Variants in IQSEC1 observed in about 807,000 individuals in gnomAD.
IQSEC1 encodes IQ motif and SEC7 domain-containing protein 1.
Under a neutral mutation model 91.0 loss-of-function variants are expected in IQSEC1, and 31 were observed. The ratio of observed to expected loss-of-function variants is 0.34; its 90% CI spans 0.26 to 0.46. IQSEC1 has a LOEUF of 0.46. Ranked by LOEUF, IQSEC1 falls within the 20% of genes least tolerant of loss-of-function variation. The pLI is 1.00. For synonymous variants in IQSEC1, 699 were observed against 662.6 expected (o/e 1.05, Z -0.84); for missense variants, 1,388 against 1,575.6 (o/e 0.88, Z 2.02).
At chr3:12,906,310 G>A (rs185202467) in intron 12 of IQSEC1, among the ~76,000 whole-genome samples, 146 of 152,310 alleles carry the variant, frequency 9.6e-4, no homozygotes, top group African/African-American at 3.5e-3. Context: ...TGAGTGAGGT[G>A]GGGCCATGCT....
intron 2 of IQSEC1, among the ~76,000 whole-genome samples, chr3:13,161,284 A>C (rs1340038391): frequency 2.6e-5 from 4 of 152,040 alleles, no homozygotes; most frequent in Admixed American, 6.5e-5. Context: ...GTGTCAGCCC[A>C]GGGGGAGTGC....
At chr3:13,272,628 C>T (rs571856802) in intron 1 of IQSEC1, among the ~76,000 whole-genome samples, 30 of 152,196 alleles carry the variant, frequency 2.0e-4, no homozygotes, top group African/African-American at 6.3e-4. Context: ...TTTTAGGTGG[C>T]GGATTTTTAC....
At chr3:13,077,699 G>C (rs562179632), upstream of IQSEC1, among the ~76,000 whole-genome samples, 1 of 152,192 alleles carries the variant, frequency 6.6e-6, no homozygotes, top group Non-Finnish European at 1.5e-5. Context: ...GGTGGCTGAC[G>C]GAGGGAGGAA....
Position 13,211,176 on chromosome 3 carries a change from G to A in IQSEC1, c.273-47043C>T, listed in dbSNP as rs1037689733. Among the ~76,000 whole-genome samples, 1 of 152,216 alleles carries A rather than the reference G, an allele frequency of 6.6e-6. No individual in the cohort carries two copies. The highest frequency in any genetic ancestry group is 6.5e-5 in the Admixed American group (1 of 15,288). ...CGCAGTCTGTGTGGACAAGACACAG[G>A]GCAGGAGAACAGTGTAAGCACAGCC... On this transcript the variant is annotated intron_variant, in intron 1 of 15. Transcript: ENST00000648114. This position sits in a 1 kb window ranked among gnomAD's most constrained non-coding sequence, Gnocchi z 5.3.
chr3:12,917,583 C>T (rs1338277648), intron 6 of IQSEC1, among the ~76,000 whole-genome samples: 3 of 152,232 alleles, frequency 2.0e-5, no homozygotes, highest in Non-Finnish European at 4.4e-5. Flanking sequence ...GCTCACTTCT[C>T]TTTCGTGCTG....
intron 3 of IQSEC1, among the ~76,000 whole-genome samples, chr3:12,928,134 C>T (rs1358877594): frequency 1.3e-5 from 2 of 151,778 alleles, no homozygotes; most frequent in Non-Finnish European, 2.9e-5. Flanking sequence ...CTCCTGTGGG[C>T]ACCTGGCCAT....
intron 1 of IQSEC1, among the ~76,000 whole-genome samples, chr3:13,168,208 T>G (rs754027034): frequency 6.6e-6 from 1 of 152,244 alleles, no homozygotes; most frequent in Non-Finnish European, 1.5e-5. Flanking sequence ...AACTAAGTGC[T>G]GTGACTGATC....
At chr3:13,127,733 G>A (rs759333140) in intron 2 of IQSEC1, among the ~76,000 whole-genome samples, 2 of 152,156 alleles carry the variant, frequency 1.3e-5, no homozygotes, top group African/African-American at 2.4e-5. Context: ...TCAACTCGGG[G>A]AGAAATGACA....
intron 3 of IQSEC1, among the ~76,000 whole-genome samples, chr3:12,932,512 C>T (rs1575953844): frequency 6.6e-6 from 1 of 152,184 alleles, no homozygotes; most frequent in Admixed American, 6.5e-5. Flanking sequence ...CCTGGCGCAC[C>T]GTCAGCACAT....
intron 1 of IQSEC1, among the ~76,000 whole-genome samples, chr3:12,996,586 A>G (rs1170307313): frequency 2.0e-5 from 3 of 152,268 alleles, no homozygotes; most frequent in East Asian, 1.9e-4. Flanking sequence ...TCAAAATACC[A>G]TAAACAAAGT....
At chr3:13,047,490 G>A in intron 1 of IQSEC1, 7 of 985,374 alleles carry the variant, frequency 7.1e-6, no homozygotes, top group Non-Finnish European at 8.4e-6. Flanking sequence ...GTAGCGGTCA[G>A]TGGAGAGGCT....
chr3:13,180,914 G>A (rs1453437843), intron 1 of IQSEC1, among the ~76,000 whole-genome samples: 1 of 152,152 alleles, frequency 6.6e-6, no homozygotes, highest in Non-Finnish European at 1.5e-5. Context: ...CACTCACCAC[G>A]AGGGTCCGCG....
intron 1 of IQSEC1, among the ~76,000 whole-genome samples, chr3:13,237,836 C>T (rs1576306043): frequency 1.3e-5 from 2 of 152,222 alleles, no homozygotes; most frequent in South Asian, 4.1e-4. Flanking sequence ...CCCAGCTCAG[C>T]TCGGAGGAGA....
At chr3:13,194,330 C>A (rs1457134515) in intron 1 of IQSEC1, among the ~76,000 whole-genome samples, 1 of 152,104 alleles carries the variant, frequency 6.6e-6, no homozygotes, top group African/African-American at 2.4e-5. Context: ...CAGGTTTATT[C>A]CCGTGTTTCT....
chr3:13,215,163 C>A (rs1264228021), intron 1 of IQSEC1, among the ~76,000 whole-genome samples: 1 of 152,068 alleles, frequency 6.6e-6, no homozygotes, highest in African/African-American at 2.4e-5. Context: ...GTACACAAGA[C>A]AGGAGCATGG....
chr3:13,022,140 C>T (rs918799531), intron 1 of IQSEC1: 54 of 1,231,750 alleles, frequency 4.4e-5, no homozygotes, highest in Non-Finnish European at 5.4e-5. Context: ...AGGGGCCCAC[C>T]ACCACTGCCC....
intron 1 of IQSEC1, among the ~76,000 whole-genome samples, chr3:13,276,233 C>T (rs574574278): frequency 1.9e-3 from 292 of 151,800 alleles, no homozygotes; most frequent in African/African-American, 6.9e-3. Context: ...GGACTACAGG[C>T]GCCTGCCACT....
At chr3:13,228,479 C>A (rs1170290164) in intron 1 of IQSEC1, among the ~76,000 whole-genome samples, 1 of 152,154 alleles carries the variant, frequency 6.6e-6, no homozygotes, top group Non-Finnish European at 1.5e-5. Context: ...GCACCAAATG[C>A]GTGGTGAATG....
intron 1 of IQSEC1, among the ~76,000 whole-genome samples, chr3:13,246,026 G>A (rs867830461): frequency 2.6e-5 from 4 of 152,166 alleles, no homozygotes; most frequent in Non-Finnish European, 5.9e-5. Context: ...CACTTGAAAC[G>A]GTGATGTGAT....
Sources: allele counts gnomAD v4.1 joint callset (sites outside exome capture counted in the v4.1 genomes callset), GRCh38; gene constraint gnomAD v4.1.1; non-coding constraint Gnocchi (gnomAD v3.1); transcripts MANE v1.5; gene names NCBI Gene and HGNC (gene_info 2026-07-23, HGNC 2026-07-21).